Variants in PLEKHN1 observed in about 807,000 individuals in gnomAD.
PLEKHN1 encodes the protein pleckstrin homology domain-containing family N member 1.
PLEKHN1 carries 68 observed loss-of-function variants against 72.8 expected under a neutral mutation model. That is an observed-to-expected ratio of 0.93 (90% CI 0.77 to 1.14). The LOEUF is 1.14. Ranked by LOEUF, PLEKHN1 falls within the 50% of genes most tolerant of loss-of-function variation. The pLI is 0.00. For synonymous variants in PLEKHN1, 454 were observed against 371.6 expected (o/e 1.22, Z -2.55); for missense variants, 1,015 against 840.5 (o/e 1.21, Z -2.57).
chr1:972,619 T>A lies in PLEKHN1; in HGVS notation c.1002+195T>A, dbSNP rs545848360. 2.1e-4 allele frequency among the ~76,000 whole-genome samples: 32 copies of A among 152,094 alleles called. No individual in the cohort carries two copies. In the South Asian group the frequency reaches 5.6e-3, roughly 27 times the overall value. The stretch of plus-strand genomic sequence containing the variant: ...TGTCTCTATTAAAAATACAAAAAAA[T>A]TAGCCGGGCATGGCGGTACATCCCT... On this transcript the variant is annotated intron_variant, in intron 10 of 15. Coordinates refer to ENST00000379410, the MANE Select transcript of PLEKHN1 (RefSeq NM_032129.3).
In PLEKHN1 at chr1:973,636, A is replaced by T. The variant is rs1296410876; in HGVS notation, c.1430A>T (p.Glu477Val). 1 of 1,612,344 alleles carries T rather than the reference A, an allele frequency of 6.2e-7. No homozygotes were observed. The highest frequency in any genetic ancestry group is 1.1e-5 in the South Asian group (1 of 91,040). ...HRRVTDVRGL[E>V]EFLSAMQSAR... ...AGGGTCACAGATGTCCGGGGCCTGG[A>T]GGAGGTCAGGCCCCTGCTGGGTGAC... Residue 477 changes from glutamate (E) to valine (V), a missense_variant, in exon 13 of 16, where the codon GAG becomes GTG. Coordinates refer to ENST00000379410, the MANE Select transcript of PLEKHN1 (RefSeq NM_032129.3).
At position 972,161 on chromosome 1, in the gene PLEKHN1, G is replaced by A. The variant is rs1557650077; in HGVS notation, c.865+11G>A. On this transcript the variant is annotated intron_variant, in intron 9 of 15. Coordinates refer to ENST00000379410, the MANE Select transcript of PLEKHN1 (RefSeq NM_032129.3). ...CCTTCCTGATTGAAGGTAGGGCCCTGACCCTGGTTCTGCCTCCCGCCTGGC... is the reference window on the plus strand; with the variant it reads ...CCTTCCTGATTGAAGGTAGGGCCCTAACCCTGGTTCTGCCTCCCGCCTGGC... 5.0e-6 allele frequency: 8 copies of A among 1,612,516 alleles called. No homozygotes were observed. The highest frequency in any genetic ancestry group is 6.8e-6 in the Non-Finnish European group (8 of 1,179,592).
chr1:974,835 C>T lies in PLEKHN1; in HGVS notation c.*260C>T. On this transcript the variant is annotated 3_prime_UTR_variant, in exon 16 of 16. Transcript: ENST00000379410. Reference sequence around the variant, plus strand: ...ACAGGTCAGGGAGGTCCTGGCCGTCCACAGGGTCGGCCCTCAGCTCAGCCC... The same window carrying T: ...ACAGGTCAGGGAGGTCCTGGCCGTCTACAGGGTCGGCCCTCAGCTCAGCCC... The T allele has an allele frequency of 1.9e-6, 1 of 522,258 alleles. No homozygotes were observed. Among genetic ancestry groups the T allele is most frequent in the South Asian group, 2.6e-5 (1 of 39,174 alleles). 32.4% of individuals were successfully genotyped at this position (522,258 alleles called of 1,614,324 possible). A position where few individuals can be genotyped will look rare whatever the true frequency, so the allele number is the denominator to read the frequency against.
At chr1:971,303 A>AGCCCCCCC in intron 7 of PLEKHN1, 21 bp from the exon 8 acceptor site, 8 of 1,495,388 alleles carry the variant, frequency 5.3e-6, no homozygotes, top group Non-Finnish European at 6.4e-6. Context: ...TCATCGCCTG[A>AGCCCCCCC]CCCCACCCCC....
chr1:966,716 G>C lies in PLEKHN1; in HGVS notation c.96G>C (p.Ala32=). The change falls in exon 2 of 16, where the codon GCG becomes GCC. Residue 32 remains alanine (A), a synonymous_variant. Transcript: ENST00000379410. ...GCCTTGTCCCCAGAGAGGACAGCGC[G>C]CGGATGTCGGCCGGCCTGCCGGGCC... ...PSLKGNREDS[A]RMSAGLPGPE... is the part of the protein sequence containing the mutation. 2.5e-6 allele frequency: 4 copies of C among 1,573,966 alleles called. No individual in the cohort carries two copies. Among genetic ancestry groups the C allele is most frequent in the Non-Finnish European group, 3.4e-6 (4 of 1,160,062 alleles).
chr1:970,849 A>T lies in PLEKHN1; in HGVS notation c.485-30A>T. 6.2e-7 allele frequency: 1 copy of T among 1,612,212 alleles called. No individual in the cohort carries two copies. The highest frequency in any genetic ancestry group is 8.5e-7 in the Non-Finnish European group (1 of 1,179,894). On this transcript the variant is annotated intron_variant, in intron 5 of 15. Coordinates refer to ENST00000379410, the MANE Select transcript of PLEKHN1 (RefSeq NM_032129.3). The surrounding 1 kb of genome is among the most constrained non-coding windows in gnomAD (Gnocchi z 4.2). ...CTGTGGCTGCGGAGCACGTGTGTGTATGTGTGTGCCCTCTCTGCCCTGCCC... is the reference window on the plus strand; with the variant it reads ...CTGTGGCTGCGGAGCACGTGTGTGTTTGTGTGTGCCCTCTCTGCCCTGCCC...
intron 14 of PLEKHN1, 32 bp from the exon 15 acceptor site, chr1:974,284 C>T: frequency 6.2e-7 from 1 of 1,612,892 alleles, no homozygotes; most frequent in Non-Finnish European, 8.5e-7. Flanking sequence ...GGGGCTGTGC[C>T]CGGCTCTCAG....
intron 10 of PLEKHN1, 31 bp from the exon 11 acceptor site, chr1:972,830 C>T (rs1287714242): frequency 1.3e-6 from 2 of 1,517,032 alleles, no homozygotes; most frequent in Non-Finnish European, 1.8e-6. Flanking sequence ...GGGGTCCAGC[C>T]CTCACTCACC....
chr1:969,033 A>C (rs1643144780), intron 2 of PLEKHN1, among the ~76,000 whole-genome samples: 1 of 152,218 alleles, frequency 6.6e-6, no homozygotes, highest in African/African-American at 2.4e-5. Context: ...CGGTGAGGAC[A>C]CTGACACCGA....
Position 974,782 on chromosome 1 carries a change from A to G in PLEKHN1, c.*207A>G. On this transcript the variant is annotated 3_prime_UTR_variant, in exon 16 of 16. Coordinates refer to ENST00000379410, the MANE Select transcript of PLEKHN1 (RefSeq NM_032129.3). The stretch of plus-strand genomic sequence containing the variant: ...GAAGGGTGGGAGGGGCCCCATCCAA[A>G]GGATGCCCTGGCCAGCGAGGCTGGG... The G allele has an allele frequency of 1.5e-6, 1 of 686,448 alleles. No homozygotes were observed. Among genetic ancestry groups the G allele is most frequent in the Non-Finnish European group, 2.4e-6 (1 of 422,818 alleles). 42.5% of individuals were successfully genotyped at this position (686,448 alleles called of 1,614,324 possible).
Position 970,633 on chromosome 1 carries a change from G to A in PLEKHN1, c.411+32G>A. 1 of 1,606,656 alleles carries A rather than the reference G, an allele frequency of 6.2e-7. No homozygotes were observed. Among genetic ancestry groups the A allele is most frequent in the Non-Finnish European group, 8.5e-7 (1 of 1,175,918 alleles). ...CGGTGGGCAATGGGGTGGGGCCATGGCCGCCCTTCCCTCCATGGATCCCTG... is the reference window on the plus strand; with the variant it reads ...CGGTGGGCAATGGGGTGGGGCCATGACCGCCCTTCCCTCCATGGATCCCTG... On this transcript the variant is annotated intron_variant, in intron 4 of 15. Transcript: ENST00000379410. This position sits in a 1 kb window ranked among gnomAD's most constrained non-coding sequence, Gnocchi z 4.2.
In PLEKHN1 at chr1:970,356, T is replaced by C; in HGVS notation, c.263T>C (p.Val88Ala). 6.2e-7 allele frequency: 1 copy of C among 1,613,218 alleles called. No individual in the cohort carries two copies. Among genetic ancestry groups the C allele is most frequent in the Non-Finnish European group, 8.5e-7 (1 of 1,179,892 alleles). ...GTGTTCAAGAAGGGGCGGCGGAGGG[T>C]GCCTGTGAGGAACCTGGGAAAAGTT... is the stretch of plus-strand genomic sequence containing the variant. ...LSVFKKGRRRVPVRNLGKVVH... is the reference protein window; with the variant it reads ...LSVFKKGRRRAPVRNLGKVVH... The change falls in exon 3 of 16, where the codon GTG becomes GCG. Residue 88 changes from valine (V) to alanine (A), a missense_variant. Coordinates refer to ENST00000379410, the MANE Select transcript of PLEKHN1 (RefSeq NM_032129.3). The surrounding 1 kb of genome is among the most constrained non-coding windows in gnomAD (Gnocchi z 4.2).
rs752972831 is a variant in PLEKHN1, at chr1:966,581, CCTT to C, written c.53_55del (p.Phe18del). On this transcript the variant is annotated inframe_deletion, in exon 1 of 16. Coordinates refer to ENST00000379410, the MANE Select transcript of PLEKHN1 (RefSeq NM_032129.3). ...CAGGCCCCCAGGAGGCTCCGGGCCT[CCTT>C]CTCCAGAAAGCCCTCGCTGAAGGGA... 59 of 1,610,904 alleles carry C rather than the reference CCTT, an allele frequency of 3.7e-5. No individual in the cohort carries two copies. In the East Asian group the frequency reaches 4.2e-4, roughly 12 times the overall value.
intron 2 of PLEKHN1, among the ~76,000 whole-genome samples, chr1:969,713 C>T (rs891780763): frequency 9.3e-5 from 14 of 151,296 alleles, no homozygotes; most frequent in East Asian, 1.9e-4. Context: ...TGTGTGTTCC[C>T]GTGTGTATGC....
In PLEKHN1 at chr1:970,902, G is replaced by A. The variant is rs1164177362; in HGVS notation, c.508G>A (p.Val170Met). The stretch of plus-strand genomic sequence containing the variant: ...AGGCCCACTGCCCGCACCCCTCCTG[G>A]TGCTCTGCCCCAGCCGGGCCGAGCT... ...ITGPLPAPLL[V>M]LCPSRAELDR... The change falls in exon 6 of 16, where the codon GTG (valine) becomes ATG (methionine). Residue 170 changes from valine to methionine, a missense_variant. Coordinates refer to ENST00000379410, the MANE Select transcript of PLEKHN1 (RefSeq NM_032129.3). This position sits in a 1 kb window ranked among gnomAD's most constrained non-coding sequence, Gnocchi z 4.2. 1.2e-6 allele frequency: 2 copies of A among 1,610,822 alleles called. No homozygotes were observed. The highest frequency in any genetic ancestry group is 2.2e-5 in the East Asian group (1 of 44,868).
In PLEKHN1 at chr1:973,250, G is replaced by A. The variant is rs913112164; in HGVS notation, c.1217G>A (p.Ser406Asn). ...RRRTELRRSG[S>N]SRSPGSKARA... is the part of the protein sequence containing the mutation. ...AGGACCGAGCTGAGACGCAGTGGCA[G>A]CAGCCGGTCACCCGGGAGCAAGGCC... The change falls in exon 12 of 16, where the codon AGC (serine) becomes AAC (asparagine). Residue 406 changes from serine (S) to asparagine (N), a missense_variant. Ser to Asn is a conservative substitution (Grantham distance 46). Transcript: ENST00000379410. The A allele has an allele frequency of 1.3e-6, 2 of 1,543,024 alleles. No homozygotes were observed. The highest frequency in any genetic ancestry group is 1.8e-6 in the Non-Finnish European group (2 of 1,141,244).
rs531583042 is a variant in PLEKHN1, at chr1:972,244, G to T, written c.866-44G>T. On this transcript the variant is annotated intron_variant, in intron 9 of 15. Transcript: ENST00000379410. ...CCCGACTCTTTAGTGGGGGCGCTGA[G>T]GGGTGCACCCCCCCGCCAGCCCCTC... 53 of 1,602,202 alleles carry T rather than the reference G, an allele frequency of 3.3e-5. No homozygotes were observed. The African/African-American group carries it at 4.1e-4, about 13-fold the overall frequency.
chr1:971,951 T>G, intron 8 of PLEKHN1, 124 bp from the exon 9 acceptor site: 1 of 913,628 alleles, frequency 1.1e-6, no homozygotes, highest in Non-Finnish European at 1.7e-6. Context: ...CTCAGGGTGG[T>G]GGCCTCGGTG....
At chr1:973,112 C>T in intron 11 of PLEKHN1, 74 bp from the exon 12 acceptor site, 2 of 1,497,774 alleles carry the variant, frequency 1.3e-6, no homozygotes, top group Non-Finnish European at 1.8e-6. Flanking sequence ...CTGGAGGGAG[C>T]CCCTTGCAGC....
Sources: allele counts gnomAD v4.1 joint callset (sites outside exome capture counted in the v4.1 genomes callset), GRCh38; gene constraint gnomAD v4.1.1; non-coding constraint Gnocchi (gnomAD v3.1); transcripts MANE v1.5; gene names NCBI Gene and HGNC (gene_info 2026-07-23, HGNC 2026-07-21).